PPA1: variants seen among roughly 807,000 people sequenced by gnomAD.
The protein encoded by PPA1 is inorganic pyrophosphatase.
Under a neutral mutation model 41.8 loss-of-function variants are expected in PPA1, and 23 were observed. That is an observed-to-expected ratio of 0.55 (90% CI 0.40 to 0.78). The LOEUF (loss-of-function observed/expected upper bound fraction) is 0.78, where lower values mean the gene tolerates loss of function less well. Among genes scored for constraint, PPA1 ranks in the 30% least tolerant of loss-of-function variants. PPA1 has a pLI of 0.00. For missense variants in PPA1, 320 were observed against 361.6 expected (o/e 0.89, Z 0.93); for synonymous variants, 101 against 116.8 (o/e 0.86, Z 0.87).
At chr10:70,221,147 GAACTT>G (rs1332973860) in intron 2 of PPA1, among the ~76,000 whole-genome samples, 43 of 121,016 alleles carry the variant, frequency 3.6e-4, no homozygotes, top group South Asian at 2.5e-4. Flanking sequence ...TACATTTTAA[GAACTT>G]AACTTAAAAT....
intron 1 of PPA1, among the ~76,000 whole-genome samples, chr10:70,232,522 C>T (rs1274040988): frequency 6.6e-6 from 1 of 152,206 alleles, no homozygotes; most frequent in African/African-American, 2.4e-5. Flanking sequence ...GGTGCAGGAC[C>T]CGGGGTAGGT....
At position 70,205,936 on chromosome 10, in the gene PPA1, T is replaced by C. The variant is rs115611449; in HGVS notation, c.795+328A>G. ...CCTTGCTAGAACCAAGTCAAGTAAA[T>C]TCCCATTGATTCTTTTGCGGAAATG... On this transcript the variant is annotated intron_variant, in intron 9 of 10. Transcript: ENST00000373232. The C allele has an allele frequency of 4.2e-3, 960 of 226,444 alleles. 9 individuals carry two copies. Among genetic ancestry groups the C allele is most frequent in the African/African-American group, 0.02 (912 of 45,238 alleles). The allele number at this position is 226,444 out of a possible 1,614,324, so 14.0% of individuals were successfully genotyped here.
intron 8 of PPA1, among the ~76,000 whole-genome samples, chr10:70,208,848 AG>A (rs1351560034): frequency 6.7e-6 from 1 of 148,570 alleles, no homozygotes; most frequent in African/African-American, 2.5e-5. Flanking sequence ...GCTGGAGTAC[AG>A]TGGTACGATC....
intron 2 of PPA1, among the ~76,000 whole-genome samples, chr10:70,222,408 T>A (rs1275501706): frequency 4.1e-5 from 6 of 145,294 alleles, no homozygotes; most frequent in Admixed American, 2.8e-4. Context: ...AAAGCCAGAG[T>A]CAATTCATTG....
chr10:70,205,714 C>T (rs1490389023), intron 9 of PPA1: 1 of 152,068 alleles, frequency 6.6e-6, no homozygotes, highest in African/African-American at 2.4e-5. Flanking sequence ...CTTTTGTTTT[C>T]CTTATTTAAT....
At chr10:70,204,814 C>T in intron 10 of PPA1, 59 bp downstream of exon 10, 1 of 1,318,482 alleles carries the variant, frequency 7.6e-7, no homozygotes, top group Non-Finnish European at 1.1e-6. Flanking sequence ...ATAAAAGTAA[C>T]ATAATTTTTC....
intron 2 of PPA1, among the ~76,000 whole-genome samples, chr10:70,221,634 G>A (rs1340125990): frequency 2.0e-5 from 3 of 152,064 alleles, no homozygotes; most frequent in African/African-American, 2.4e-5. Flanking sequence ...GTGTAAAAAC[G>A]AGAGATCTGT....
At chr10:70,212,823 CAAAA>C (rs59163604) in intron 6 of PPA1, among the ~76,000 whole-genome samples, 1 of 124,204 alleles carries the variant, frequency 8.1e-6, no homozygotes. Context: ...AATTTACCAC[CAAAA>C]AAAAAAAAAA....
chr10:70,208,995 T>C (rs1344893455), intron 8 of PPA1, among the ~76,000 whole-genome samples: 1 of 152,108 alleles, frequency 6.6e-6, no homozygotes, highest in Non-Finnish European at 1.5e-5. Context: ...GGTTTTTCCA[T>C]GTTGTCCAGG....
Position 70,209,280 on chromosome 10 carries a change from A to T in PPA1, c.650T>A (p.Ile217Asn), listed in dbSNP as rs1312637548. 1.3e-6 allele frequency: 2 copies of T among 1,588,372 alleles called. No homozygotes were observed. The highest frequency in any genetic ancestry group is 1.7e-6 in the Non-Finnish European group (2 of 1,158,494). Residue 217 changes from isoleucine to asparagine, a missense_variant, in exon 8 of 11, where the codon ATT becomes AAT. Coordinates refer to ENST00000373232, the MANE Select transcript of PPA1 (RefSeq NM_021129.4). ...NAEFKDKDFA[I>N]DIIKSTHDHW... ...GTCATGAGTGCTTTTAATAATATCAATGGCAAAGTCCTATAATTTGAAGAG... is the reference window on the plus strand; with the variant it reads ...GTCATGAGTGCTTTTAATAATATCATTGGCAAAGTCCTATAATTTGAAGAG...
At chr10:70,227,034 G>T (rs558901797) in intron 2 of PPA1, among the ~76,000 whole-genome samples, 30 of 152,288 alleles carry the variant, frequency 2.0e-4, no homozygotes, top group African/African-American at 7.2e-4. Flanking sequence ...TGATATTTGA[G>T]CACTTTAAGA....
At chr10:70,220,047 C>A (rs1307690457) in intron 2 of PPA1, among the ~76,000 whole-genome samples, 2 of 151,826 alleles carry the variant, frequency 1.3e-5, no homozygotes, top group African/African-American at 2.4e-5. Flanking sequence ...ACTGTCTCAG[C>A]CTCCTGAGTA....
At chr10:70,220,515 A>T (rs1200343986) in intron 2 of PPA1, among the ~76,000 whole-genome samples, 4 of 96,776 alleles carry the variant, frequency 4.1e-5, no homozygotes, top group African/African-American at 1.6e-4. Context: ...TATATATATA[A>T]ATTATATATG....
intron 2 of PPA1, among the ~76,000 whole-genome samples, chr10:70,219,125 A>G (rs1339323004): frequency 1.3e-5 from 2 of 151,978 alleles, no homozygotes; most frequent in Non-Finnish European, 2.9e-5. Context: ...CTGGTCTCAA[A>G]CTCCTGGCCT....
intron 2 of PPA1, among the ~76,000 whole-genome samples, chr10:70,219,677 C>G (rs1840114491): frequency 6.6e-6 from 1 of 152,176 alleles, no homozygotes; most frequent in South Asian, 2.1e-4. Context: ...GATAGTTCTA[C>G]TGTAATTGGC....
At chr10:70,216,516 A>T (rs1342957204) in intron 4 of PPA1, among the ~76,000 whole-genome samples, 1 of 152,032 alleles carries the variant, frequency 6.6e-6, no homozygotes, top group African/African-American at 2.4e-5. Flanking sequence ...CAATTAAAGT[A>T]TAAGGTGAAA....
chr10:70,222,729 G>C (rs527692276), intron 2 of PPA1, among the ~76,000 whole-genome samples: 97 of 152,182 alleles, frequency 6.4e-4, no homozygotes, highest in African/African-American at 2.0e-3. Flanking sequence ...ACAAAGTGCA[G>C]GTTTGTTACA....
chr10:70,220,666 AATT>A (rs1564584145), intron 2 of PPA1, among the ~76,000 whole-genome samples: 1 of 6,622 alleles, frequency 1.5e-4, no homozygotes, highest in African/African-American at 1.2e-3. Flanking sequence ...TATTATATAT[AATT>A]TATATATATA....
chr10:70,214,698 T>A, intron 4 of PPA1, 112 bp from the exon 5 acceptor site: 1 of 803,678 alleles, frequency 1.2e-6, no homozygotes, highest in Non-Finnish European at 1.9e-6. Context: ...CTCATTGTTT[T>A]AGTTCTTTAT....
Sources: gnomAD v4.1 joint callset for allele counts (sites outside exome capture counted in the v4.1 genomes callset) on GRCh38, gnomAD v4.1.1 for gene constraint, MANE v1.5 for transcripts, NCBI Gene and HGNC (gene_info 2026-07-23, HGNC 2026-07-21) for gene names.